Variants in LRRC4C observed in about 807,000 individuals in gnomAD.
The protein encoded by LRRC4C is leucine rich repeat containing 4C.
A neutral mutation model predicts 33.6 loss-of-function variants in LRRC4C; 5 were observed. The ratio of observed to expected loss-of-function variants is 0.15; its 90% CI spans 0.08 to 0.31. The LOEUF (loss-of-function observed/expected upper bound fraction) is 0.31. Among genes scored for constraint, LRRC4C ranks in the 10% least tolerant of loss-of-function variants. The pLI is 1.00. For synonymous variants in LRRC4C, 329 were observed against 302.0 expected (o/e 1.09, Z -0.93); for missense variants, 560 against 796.7 (o/e 0.70, Z 3.58).
rs1226714689 is a variant in LRRC4C, at chr11:40,267,629, A to G, written c.-175-26031T>C. ...GCCTCCCAAAGTGCTGGGATTACAG[A>G]CGTGAGCCACCGCGCCTGGCCCTGT... On this transcript the variant is annotated intron_variant, in intron 4 of 6. Coordinates refer to ENST00000528697, the MANE Select transcript of LRRC4C (RefSeq NM_001258419.2). Among the ~76,000 whole-genome samples the G allele has an allele frequency of 7.9e-5, 12 of 152,152 alleles. No homozygotes were observed. In the East Asian group the frequency reaches 2.3e-3, roughly 30 times the overall value.
At chr11:41,433,722 T>A (rs1287251202) in intron 1 of LRRC4C, among the ~76,000 whole-genome samples, 1 of 152,106 alleles carries the variant, frequency 6.6e-6, no homozygotes, top group African/African-American at 2.4e-5. Context: ...CTGGCTTCCT[T>A]GCTCCTCAGC....
chr11:41,369,416 T>C (rs376350562), intron 1 of LRRC4C, among the ~76,000 whole-genome samples: 1 of 151,290 alleles, frequency 6.6e-6, no homozygotes, highest in East Asian at 1.9e-4. Context: ...GGAAAGAGGA[T>C]CAGAAAAAAA....
At chr11:40,659,160 G>C (rs923271500) in intron 2 of LRRC4C, among the ~76,000 whole-genome samples, 1 of 152,220 alleles carries the variant, frequency 6.6e-6, no homozygotes, top group African/African-American at 2.4e-5. Flanking sequence ...CTCCAGTGCA[G>C]AGCAAAGTTG....
At chr11:40,369,165 C>T (rs1948341196) in intron 3 of LRRC4C, among the ~76,000 whole-genome samples, 1 of 152,144 alleles carries the variant, frequency 6.6e-6, no homozygotes, top group South Asian at 2.1e-4. Flanking sequence ...ACACTAGACT[C>T]TCACCAAGGA....
intron 3 of LRRC4C, among the ~76,000 whole-genome samples, chr11:40,523,664 C>T (rs1955919989): frequency 6.6e-6 from 1 of 150,838 alleles, no homozygotes; most frequent in African/African-American, 2.4e-5. Context: ...CTTGGGTTTC[C>T]ATAAGGAGAG....
intron 3 of LRRC4C, among the ~76,000 whole-genome samples, chr11:40,489,549 G>A (rs1281054652): frequency 6.6e-6 from 1 of 152,056 alleles, no homozygotes; most frequent in Non-Finnish European, 1.5e-5. Context: ...CTTGAGGGCA[G>A]AAATTTGTTA....
In LRRC4C at chr11:41,174,887, A is replaced by G. The variant is rs1945129597; in HGVS notation, c.-495-241164T>C. Reference sequence around the variant, plus strand: ...GAACCATTTTTCTTTCATAGTCTTAATGACAATATTCTCACTTTAATATTA... The same window carrying G: ...GAACCATTTTTCTTTCATAGTCTTAGTGACAATATTCTCACTTTAATATTA... On this transcript the variant is annotated intron_variant, in intron 1 of 6. Coordinates refer to ENST00000528697, the MANE Select transcript of LRRC4C (RefSeq NM_001258419.2). Among the ~76,000 whole-genome samples, 6 of 152,086 alleles carry G rather than the reference A, an allele frequency of 3.9e-5. No individual in the cohort carries two copies. The South Asian group carries it at 1.2e-3, about 32-fold the overall frequency.
intron 1 of LRRC4C, among the ~76,000 whole-genome samples, chr11:41,293,193 A>G (rs1950039769): frequency 6.6e-6 from 1 of 152,202 alleles, no homozygotes; most frequent in African/African-American, 2.4e-5. Flanking sequence ...ATATAAGTAT[A>G]TAAAGGTCTA....
At chr11:41,036,419 G>A (rs979718875) in intron 1 of LRRC4C, among the ~76,000 whole-genome samples, 2 of 152,142 alleles carry the variant, frequency 1.3e-5, no homozygotes, top group African/African-American at 4.8e-5. Context: ...AGCTCCAGAT[G>A]TCCTTGAACT....
chr11:40,331,537 G>A (rs1946362840), intron 3 of LRRC4C, among the ~76,000 whole-genome samples: 1 of 152,132 alleles, frequency 6.6e-6, no homozygotes, highest in East Asian at 1.9e-4. Context: ...TATTACAGTA[G>A]GTAAAATAAG....
intron 3 of LRRC4C, among the ~76,000 whole-genome samples, chr11:40,454,732 A>T (rs1384965859): frequency 6.6e-6 from 1 of 152,196 alleles, no homozygotes; most frequent in African/African-American, 2.4e-5. Context: ...GCTCAATGTA[A>T]TGAAGTAAAT....
chr11:41,214,795 G>GTA (rs1156725555), intron 1 of LRRC4C, among the ~76,000 whole-genome samples: 18 of 142,534 alleles, frequency 1.3e-4, no homozygotes, highest in South Asian at 6.5e-4. Flanking sequence ...ATATATGTGT[G>GTA]TATATATATG....
At chr11:40,267,991 A>C (rs535317473) in intron 4 of LRRC4C, among the ~76,000 whole-genome samples, 5 of 152,290 alleles carry the variant, frequency 3.3e-5, no homozygotes, top group African/African-American at 9.6e-5. Context: ...CTGGAGATGA[A>C]ATTACATAGG....
intron 1 of LRRC4C, among the ~76,000 whole-genome samples, chr11:40,992,514 A>G (rs550763547): frequency 6.6e-5 from 10 of 151,434 alleles, no homozygotes; most frequent in Non-Finnish European, 1.3e-4. Context: ...GAGAACTGTT[A>G]TATTTTCCTG....
At chr11:40,648,454 A>T (rs1942592150) in intron 2 of LRRC4C, among the ~76,000 whole-genome samples, 176 bp from the exon 3 acceptor site, 1 of 152,216 alleles carries the variant, frequency 6.6e-6, no homozygotes, top group African/African-American at 2.4e-5. Context: ...CTCTTTTAAA[A>T]ACTATATCAA....
intron 1 of LRRC4C, among the ~76,000 whole-genome samples, chr11:41,197,923 G>C (rs1946249469): frequency 1.3e-5 from 2 of 151,960 alleles, no homozygotes; most frequent in South Asian, 4.1e-4. Flanking sequence ...CAATAGCAAT[G>C]AAATTCACCA....
At chr11:40,752,421 C>A (rs1432353891) in intron 2 of LRRC4C, among the ~76,000 whole-genome samples, 2 of 151,914 alleles carry the variant, frequency 1.3e-5, no homozygotes, top group Non-Finnish European at 2.9e-5. Flanking sequence ...CAAATCATCA[C>A]ACTAAAAAGT....
intron 2 of LRRC4C, among the ~76,000 whole-genome samples, chr11:40,877,726 G>T (rs1259277164): frequency 6.6e-6 from 1 of 152,154 alleles, no homozygotes; most frequent in Non-Finnish European, 1.5e-5. Context: ...CGAAGTGGTG[G>T]CCTTCAATAT....
chr11:41,101,362 G>A (rs1319194707), intron 1 of LRRC4C, among the ~76,000 whole-genome samples: 3 of 152,118 alleles, frequency 2.0e-5, no homozygotes, highest in Non-Finnish European at 4.4e-5. Context: ...CTTCTCAAAA[G>A]GAGATATACA....
Sources: gnomAD v4.1 joint callset for allele counts (sites outside exome capture counted in the v4.1 genomes callset) on GRCh38, gnomAD v4.1.1 for gene constraint, MANE v1.5 for transcripts, NCBI Gene and HGNC (gene_info 2026-07-23, HGNC 2026-07-21) for gene names.